The following PTGER3 variants were observed in gnomAD, a reference collection of about 807,000 sequenced individuals.
PTGER3 encodes prostaglandin E receptor 3, also known as prostaglandin E2 receptor EP3 subtype.
In PTGER3, 22 loss-of-function variants were observed where a neutral mutation model predicts 34.7. The observed-to-expected ratio is 0.63, with a 90% CI of 0.45 to 0.91. PTGER3 has a LOEUF of 0.91. Ranked by LOEUF, PTGER3 falls within the 40% of genes least tolerant of loss-of-function variation. PTGER3 has a pLI of 0.00. For synonymous variants in PTGER3, 241 were observed against 230.1 expected, an observed-to-expected ratio of 1.05 and a Z score of -0.43; for missense variants, 468 against 519.4, an observed-to-expected ratio of 0.90 and a Z score of 0.96.
At position 70,957,151 on chromosome 1, in the gene PTGER3, A is replaced by T. The variant is rs957210983; in HGVS notation, c.1078-3362T>A. Among the ~76,000 whole-genome samples, 6 of 152,216 alleles carry T rather than the reference A, an allele frequency of 3.9e-5. No homozygotes were observed. The East Asian group carries it at 9.6e-4, about 24-fold the overall frequency. On this transcript the variant is annotated intron_variant, in intron 2 of 3. Coordinates refer to the PTGER3 transcript ENST00000356595. The stretch of plus-strand genomic sequence containing the variant: ...ATTAACCTCTGTTTTCGGTAATAAC[A>T]TCATACATCTATTCGAATGTCCCCT...
At chr1:70,891,982 A>T (rs1334511217) in intron 4 of PTGER3, among the ~76,000 whole-genome samples, 1 of 152,246 alleles carries the variant, frequency 6.6e-6, no homozygotes, top group African/African-American at 2.4e-5. Flanking sequence ...AATCTCACTC[A>T]GCTGAAAGGG....
chr1:70,918,666 C>G (rs1647268469), intron 4 of PTGER3, among the ~76,000 whole-genome samples: 2 of 151,962 alleles, frequency 1.3e-5, no homozygotes, highest in African/African-American at 4.8e-5. Context: ...CAATCTGGGC[C>G]TTACTCTCCT....
intron 2 of PTGER3, among the ~76,000 whole-genome samples, chr1:70,984,110 G>A (rs970140882): frequency 5.3e-5 from 8 of 152,126 alleles, no homozygotes; most frequent in African/African-American, 1.9e-4. Context: ...ATTAAGGCTG[G>A]GTGTGGTGGC....
At chr1:70,940,783 A>T (rs181382015) in intron 4 of PTGER3, among the ~76,000 whole-genome samples, 1 of 152,300 alleles carries the variant, frequency 6.6e-6, no homozygotes, top group East Asian at 1.9e-4. Context: ...TTGATATTTG[A>T]GTGGGGACAC....
At chr1:70,931,907 T>A (rs764688975) in intron 4 of PTGER3, among the ~76,000 whole-genome samples, 11 of 152,222 alleles carry the variant, frequency 7.2e-5, no homozygotes, top group Non-Finnish European at 1.2e-4. Flanking sequence ...TGCAGCCAGC[T>A]TGAGTTTCTC....
intron 4 of PTGER3, among the ~76,000 whole-genome samples, chr1:70,885,777 T>C (rs1181734158): frequency 1.3e-5 from 2 of 152,114 alleles, no homozygotes; most frequent in African/African-American, 4.8e-5. Context: ...TACAATATGA[T>C]AAATGCTATT....
chr1:70,898,884 G>T (rs2100323413), intron 4 of PTGER3, among the ~76,000 whole-genome samples: 1 of 152,174 alleles, frequency 6.6e-6, no homozygotes, highest in South Asian at 2.1e-4. Context: ...CATCAAAGTT[G>T]TAATGTCTTA....
downstream of PTGER3, among the ~76,000 whole-genome samples, chr1:70,952,040 C>T (rs532363633): frequency 2.6e-5 from 4 of 152,138 alleles, no homozygotes; most frequent in South Asian, 8.3e-4. Flanking sequence ...GAACCTGGGG[C>T]AGGAAAGATC....
chr1:71,016,509 T>C (rs1480766638), intron 1 of PTGER3, among the ~76,000 whole-genome samples: 1 of 152,110 alleles, frequency 6.6e-6, no homozygotes, highest in Non-Finnish European at 1.5e-5. Flanking sequence ...ATTTTAAAAT[T>C]GTATGTACAC....
chr1:70,995,486 ACT>A (rs1655852337), intron 2 of PTGER3, among the ~76,000 whole-genome samples: 1 of 152,056 alleles, frequency 6.6e-6, no homozygotes, highest in Non-Finnish European at 1.5e-5. Context: ...GGAGTAAGAA[ACT>A]CACTCTAAAG....
intron 1 of PTGER3, among the ~76,000 whole-genome samples, chr1:71,014,901 A>C (rs772506004): frequency 2.0e-5 from 3 of 152,158 alleles, no homozygotes; most frequent in Non-Finnish European, 4.4e-5. Flanking sequence ...CAACTAGAAA[A>C]TCATCAATGT....
At chr1:70,995,955 T>G (rs1176898716) in intron 2 of PTGER3, among the ~76,000 whole-genome samples, 1 of 152,170 alleles carries the variant, frequency 6.6e-6, no homozygotes, top group Non-Finnish European at 1.5e-5. Flanking sequence ...TGTTGTTATC[T>G]CCAATTTATA....
intron 1 of PTGER3, among the ~76,000 whole-genome samples, chr1:71,031,245 A>AAC (rs56278148): frequency 6.2e-4 from 92 of 149,386 alleles, no homozygotes; most frequent in African/African-American, 1.9e-3. Context: ...GTGGCAGGAA[A>AAC]ACACACACAC....
chr1:70,861,653 C>CT (rs1645929427), intron 4 of PTGER3, among the ~76,000 whole-genome samples: 1 of 151,832 alleles, frequency 6.6e-6, no homozygotes, highest in Admixed American at 6.6e-5. Context: ...TAAAATAGCA[C>CT]TGACTAAATG....
intron 2 of PTGER3, among the ~76,000 whole-genome samples, chr1:70,981,361 TTCTTTCTTTC>T (rs1249115929): frequency 1.8e-5 from 2 of 112,420 alleles, no homozygotes; most frequent in Non-Finnish European, 3.7e-5. Context: ...CTTTCTTTCT[TTCTTTCTTTC>T]TTTCTTTCTT....
At chr1:70,865,238 G>A (rs1036927521) in intron 4 of PTGER3, among the ~76,000 whole-genome samples, 1 of 152,164 alleles carries the variant, frequency 6.6e-6, no homozygotes, top group African/African-American at 2.4e-5. Context: ...AATTCCAAAG[G>A]TTGTCAGGAA....
intron 4 of PTGER3, among the ~76,000 whole-genome samples, chr1:70,870,297 C>T (rs1340501217): frequency 6.6e-6 from 1 of 152,214 alleles, no homozygotes. Flanking sequence ...GGCAGCAGAG[C>T]CCTGGGCCTG....
intron 4 of PTGER3, among the ~76,000 whole-genome samples, chr1:70,900,912 A>C (rs375256535): frequency 6.6e-6 from 1 of 151,742 alleles, no homozygotes; most frequent in Non-Finnish European, 1.5e-5. Flanking sequence ...TATTTATTGC[A>C]AGTATGTATG....
intron 4 of PTGER3, among the ~76,000 whole-genome samples, chr1:70,937,398 C>A (rs1317486978): frequency 6.6e-6 from 1 of 152,052 alleles, no homozygotes; most frequent in Admixed American, 6.6e-5. Context: ...AATATGATGT[C>A]CAGCCAGCTG....
Sources: allele counts gnomAD v4.1 joint callset (sites outside exome capture counted in the v4.1 genomes callset), GRCh38; gene constraint gnomAD v4.1.1; transcripts MANE v1.5; gene names NCBI Gene and HGNC (gene_info 2026-07-23, HGNC 2026-07-21).